LAMA2: variants seen among roughly 807,000 people sequenced by gnomAD.
LAMA2 encodes the protein laminin subunit alpha 2.
In LAMA2, 269 loss-of-function variants were observed where a neutral mutation model predicts 364.8. That is an observed-to-expected ratio of 0.74 (90% CI 0.67 to 0.82). LAMA2 has a LOEUF of 0.82. Among genes scored for constraint, LAMA2 ranks in the 40% least tolerant of loss-of-function variants. The pLI is 0.00. For synonymous variants in LAMA2, 1,379 were observed against 1,370.6 expected (o/e 1.01, Z -0.14); for missense variants, 3,807 against 3,873.2 (o/e 0.98, Z 0.45).
chr6:129,019,899 C>T lies in LAMA2; in HGVS notation c.113-30019C>T, dbSNP rs1258859107. Reference sequence around the variant, plus strand: ...AGGAGTTCGAGACCAGCCTGGCCAACATGGCGAAACCCTGGTCTCTACTAA... The same window carrying T: ...AGGAGTTCGAGACCAGCCTGGCCAATATGGCGAAACCCTGGTCTCTACTAA... On this transcript the variant is annotated intron_variant, in intron 1 of 64. Coordinates refer to ENST00000421865, the MANE Select transcript of LAMA2 (RefSeq NM_000426.4). Among the ~76,000 whole-genome samples, 3 of 152,080 alleles carry T rather than the reference C, an allele frequency of 2.0e-5. No homozygotes were observed. The East Asian group carries it at 5.8e-4, about 29-fold the overall frequency.
At chr6:128,978,774 C>A (rs563984104) in intron 1 of LAMA2, among the ~76,000 whole-genome samples, 1 of 152,158 alleles carries the variant, frequency 6.6e-6, no homozygotes, top group Non-Finnish European at 1.5e-5. Flanking sequence ...AGTCAGTAGA[C>A]GCTTGCTTCT....
chr6:129,078,966 C>T (rs1221519692), intron 3 of LAMA2, among the ~76,000 whole-genome samples: 1 of 152,158 alleles, frequency 6.6e-6, no homozygotes, highest in East Asian at 1.9e-4. Context: ...TAGCATATAT[C>T]AGAGTTTCCT....
At chr6:129,069,048 T>C (rs1354131564) in intron 3 of LAMA2, among the ~76,000 whole-genome samples, 1 of 151,930 alleles carries the variant, frequency 6.6e-6, no homozygotes, top group Admixed American at 6.6e-5. Context: ...TCAAATAGAG[T>C]CAAGATGACT....
intron 1 of LAMA2, among the ~76,000 whole-genome samples, chr6:128,921,000 C>T (rs906103042): frequency 1.3e-5 from 2 of 152,172 alleles, no homozygotes; most frequent in African/African-American, 2.4e-5. Flanking sequence ...GATCATCGAT[C>T]CTGTCTTTGC....
Position 129,512,460 on chromosome 6 carries a change from G to A in LAMA2, c.8955G>A (p.Met2985Ile). The change falls in exon 63 of 65, where the codon ATG (methionine) becomes ATA (isoleucine). Residue 2985 changes from methionine (M) to isoleucine (I), a missense_variant. This residue lies in a region of LAMA2 where 3,333 missense variants were observed against 3,345.7 expected (regional missense o/e 1.00). Coordinates refer to ENST00000421865, the MANE Select transcript of LAMA2 (RefSeq NM_000426.4). Reference sequence around the variant, plus strand: ...TTCTGGGGATCAGTAGTCAAAAAATGGATGGAATGGGTATTGAAATGATTG... The same window carrying A: ...TTCTGGGGATCAGTAGTCAAAAAATAGATGGAATGGGTATTGAAATGATTG... ...GVLLGISSQK[M>I]DGMGIEMIDE... is the part of the protein sequence containing the mutation. The A allele has an allele frequency of 6.2e-7, 1 of 1,613,702 alleles. No homozygotes were observed. The highest frequency in any genetic ancestry group is 2.2e-5 in the East Asian group (1 of 44,862).
intron 12 of LAMA2, among the ~76,000 whole-genome samples, chr6:129,237,135 G>A (rs796821020): frequency 6.6e-6 from 1 of 152,142 alleles, no homozygotes; most frequent in African/African-American, 2.4e-5. Flanking sequence ...ATAAGGTTGT[G>A]TGTGGTGTTT....
In LAMA2 at chr6:128,930,246, C is replaced by T. The variant is rs545167715; in HGVS notation, c.112+46889C>T. ...ATTTCTAAAGTATTTCTTATATTTT[C>T]CTATTTCTTTTCATTCCTACTGCTT... is the stretch of plus-strand genomic sequence containing the variant. On this transcript the variant is annotated intron_variant, in intron 1 of 64. Coordinates refer to ENST00000421865, the MANE Select transcript of LAMA2 (RefSeq NM_000426.4). Among the ~76,000 whole-genome samples, 16 of 152,314 alleles carry T rather than the reference C, an allele frequency of 1.1e-4. No individual in the cohort carries two copies. The South Asian group carries it at 2.1e-3, about 20-fold the overall frequency.
At chr6:129,188,486 T>A (rs750519549) in intron 10 of LAMA2, among the ~76,000 whole-genome samples, 3 of 151,932 alleles carry the variant, frequency 2.0e-5, no homozygotes, top group Admixed American at 6.6e-5. Flanking sequence ...AGAACAGCTG[T>A]ACTGTGTCCT....
rs577572888 is a variant in LAMA2, at chr6:129,308,781, GGT to G, written c.3175-4078_3175-4077del. On this transcript the variant is annotated intron_variant, in intron 22 of 64. Coordinates refer to ENST00000421865, the MANE Select transcript of LAMA2 (RefSeq NM_000426.4). Reference sequence around the variant, plus strand: ...AGGAAGCATAGCGGCATCTGTTTCTGGTGAAGGCCTCAGGAAGCTTCCAGTCA... The same window carrying G: ...AGGAAGCATAGCGGCATCTGTTTCTGGAAGGCCTCAGGAAGCTTCCAGTCA... Among the ~76,000 whole-genome samples, 313 of 152,292 alleles carry G rather than the reference GGT, an allele frequency of 2.1e-3. 2 individuals carry two copies. The highest frequency in any genetic ancestry group is 7.2e-3 in the African/African-American group (298 of 41,544).
chr6:128,896,467 T>C (rs1176114741), intron 1 of LAMA2, among the ~76,000 whole-genome samples: 3 of 152,024 alleles, frequency 2.0e-5, no homozygotes, highest in African/African-American at 7.2e-5. Flanking sequence ...AATTGATGTG[T>C]CCCATCTTTA....
chr6:129,125,121 G>C (rs1264073911), intron 4 of LAMA2, among the ~76,000 whole-genome samples: 1 of 152,230 alleles, frequency 6.6e-6, no homozygotes, highest in Non-Finnish European at 1.5e-5. Context: ...TGAGGTGTGA[G>C]AATGAGATGG....
intron 55 of LAMA2, among the ~76,000 whole-genome samples, chr6:129,484,759 AG>A: frequency 6.6e-6 from 1 of 152,198 alleles, no homozygotes; most frequent in Non-Finnish European, 1.5e-5. Context: ...TTTAAAAGTA[AG>A]GTAATGATAA....
intron 16 of LAMA2, among the ~76,000 whole-genome samples, chr6:129,268,028 C>T (rs941714521): frequency 7.9e-5 from 12 of 152,184 alleles, no homozygotes; most frequent in Admixed American, 2.6e-4. Context: ...GAATTTAAGG[C>T]GGATTCTGTT....
intron 1 of LAMA2, among the ~76,000 whole-genome samples, chr6:128,998,737 G>A (rs1269052051): frequency 4.0e-5 from 1 of 24,854 alleles, no homozygotes; most frequent in Non-Finnish European, 7.6e-5. Context: ...CACCTGGCTC[G>A]GAGGGTCCTA....
Position 129,503,241 on chromosome 6 carries a change from C to T in LAMA2, c.8508C>T (p.Thr2836=). Residue 2836 remains threonine (T), a synonymous_variant, in exon 60 of 65, where the codon ACC becomes ACT. Coordinates refer to ENST00000421865, the MANE Select transcript of LAMA2 (RefSeq NM_000426.4). Reference sequence around the variant, plus strand: ...ACTTGGGGAGTGGGGACACCCACACCATGATCCCCACCAAAATCAATGATG... The same window carrying T: ...ACTTGGGGAGTGGGGACACCCACACTATGATCCCCACCAAAATCAATGATG... ...SYDLGSGDTH[T]MIPTKINDGQ... The T allele has an allele frequency of 6.2e-7, 1 of 1,614,036 alleles. No individual in the cohort carries two copies. Among genetic ancestry groups the T allele is most frequent in the Non-Finnish European group, 8.5e-7 (1 of 1,179,978 alleles).
At chr6:129,050,525 G>A in intron 2 of LAMA2, among the ~76,000 whole-genome samples, 1 of 152,208 alleles carries the variant, frequency 6.6e-6, no homozygotes, top group East Asian at 1.9e-4. Flanking sequence ...TTCTGCAGAA[G>A]AGAGAGGATG....
At chr6:128,884,303 A>G (rs1212690831) in intron 1 of LAMA2, among the ~76,000 whole-genome samples, 1 of 151,302 alleles carries the variant, frequency 6.6e-6, no homozygotes, top group African/African-American at 2.5e-5. Flanking sequence ...AAGTTGGAAA[A>G]CCTGTATCAA....
intron 22 of LAMA2, among the ~76,000 whole-genome samples, chr6:129,309,550 A>G (rs937743528): frequency 3.3e-5 from 5 of 152,368 alleles, no homozygotes; most frequent in Non-Finnish European, 5.9e-5. Flanking sequence ...TTTTGATAAC[A>G]TGATTTTCTA....
rs563526572 is a variant in LAMA2 at position 129,117,142 on chromosome 6, A to G, written c.639+18727A>G. Among the ~76,000 whole-genome samples, 7 of 152,336 alleles carry G rather than the reference A, an allele frequency of 4.6e-5. 1 individual carries two copies. In the East Asian group the frequency reaches 1.3e-3, roughly 29 times the overall value. On this transcript the variant is annotated intron_variant, in intron 4 of 64. Coordinates refer to ENST00000421865, the MANE Select transcript of LAMA2 (RefSeq NM_000426.4). ...TTAAATTAGCTAGTGTCTGACAAAG[A>G]AGAAAGCTTTCAAACTTTCAAGACG...
Sources: gnomAD v4.1 joint callset for allele counts (sites outside exome capture counted in the v4.1 genomes callset) on GRCh38, gnomAD v4.1.1 for gene constraint, gnomAD v4.1.1 regional missense constraint, MANE v1.5 for transcripts, NCBI Gene and HGNC (gene_info 2026-07-23, HGNC 2026-07-21) for gene names.